Variants in L1CAM observed in about 807,000 individuals in gnomAD.
The protein encoded by L1CAM is L1 cell adhesion molecule, also known as neural cell adhesion molecule L1.
Under a neutral mutation model 93.0 loss-of-function variants are expected in L1CAM, and 8 were observed. The observed-to-expected ratio is 0.09, with a 90% CI of 0.05 to 0.16. L1CAM has a LOEUF of 0.16. Among genes scored for constraint, L1CAM ranks in the 10% least tolerant of loss-of-function variants. The pLI, the probability that L1CAM is intolerant of heterozygous loss-of-function variation, is 1.00. For synonymous variants in L1CAM, 453 were observed against 453.0 expected (o/e 1.00, Z 0.00); for missense variants, 777 against 1,073.4 (o/e 0.72, Z 3.86).
chrX:153,863,603 T>TGGAGCC, intron 26 of L1CAM, 54 bp from the exon 27 acceptor site: 1 of 1,059,886 alleles, frequency 9.4e-7, no homozygotes, highest in Non-Finnish European at 1.3e-6. Context: ...GACCCGGGGC[T>TGGAGCC]CCAGGCCCCT....
Position 153,862,679 on chromosome X carries a change from G to A in L1CAM, c.3758C>T (p.Ala1253Val), listed in dbSNP as rs1257869290. The change falls in exon 29 of 29, where the codon GCC (alanine) becomes GTC (valine). Residue 1253 changes from alanine to valine, a missense_variant. Coordinates refer to ENST00000370060, the MANE Select transcript of L1CAM (RefSeq NM_001278116.2). ...TGGACTCCACTATTCTAGGGCCACG[G>A]CAGGGTTGATGGGGGAAGTGGCCCC... ...SSGATSPINP[A>V]VALE is the part of the protein sequence containing the mutation. 8.3e-7 allele frequency: 1 copy of A among 1,207,933 alleles called. No homozygotes were observed. The highest frequency in any genetic ancestry group is 1.1e-6 in the Non-Finnish European group (1 of 892,731).
chrX:153,884,463 C>T (rs782521359), intron 1 of L1CAM: 1 of 239,740 alleles, frequency 4.2e-6, no homozygotes, highest in African/African-American at 2.9e-5. Context: ...AGATCACTAG[C>T]GATTCTTAAT....
intron 1 of L1CAM, 30 bp downstream of exon 1, chrX:153,886,035 G>A: frequency 5.1e-6 from 2 of 392,188 alleles, no homozygotes; most frequent in South Asian, 1.5e-4. Context: ...GCCGCGGCCC[G>A]GGTCGCACGG....
rs1557091310 is a variant in L1CAM at position 153,867,398 on chromosome X, C to T, written c.2095G>A (p.Glu699Lys). Residue 699 changes from glutamate to lysine, a missense_variant, in exon 17 of 29, where the codon GAG (glutamate) becomes AAG (lysine). Physicochemically the swap from Glu to Lys is moderately conservative, Grantham distance 56. Coordinates refer to ENST00000370060, the MANE Select transcript of L1CAM (RefSeq NM_001278116.2). ...ACAGTCTCAGAGACCGGGCTGGGCTCCCCGGGGCCATATTTGTTTATGGCA... is the reference window on the plus strand; with the variant it reads ...ACAGTCTCAGAGACCGGGCTGGGCTTCCCGGGGCCATATTTGTTTATGGCA... ...VTAINKYGPG[E>K]PSPVSETVVT... 2 of 1,210,453 alleles carry T rather than the reference C, an allele frequency of 1.7e-6. No homozygotes were observed. The highest frequency in any genetic ancestry group is 2.2e-6 in the Non-Finnish European group (2 of 894,906).
intron 19 of L1CAM, among the ~76,000 whole-genome samples, chrX:153,866,135 T>C (rs1026500630): frequency 9.1e-6 from 1 of 110,075 alleles, no homozygotes; most frequent in Non-Finnish European, 1.9e-5. Context: ...ATCAACATGG[T>C]GCAACCGCAT....
Position 153,862,398 on chromosome X carries a change from C to T in L1CAM, c.*265G>A, listed in dbSNP as rs1218759023. 2.9e-6 allele frequency: 1 copy of T among 350,511 alleles called. No homozygotes were observed. Among genetic ancestry groups the T allele is most frequent in the Non-Finnish European group, 5.0e-6 (1 of 201,969 alleles). 28.9% of individuals were successfully genotyped at this position (350,511 alleles called of 1,213,427 possible). A position where few individuals can be genotyped will look rare whatever the true frequency, so the allele number is the denominator to read the frequency against. ...CCCCTACTTCTTCTCCCCCAAACCA[C>T]AGCCTCTCTGCCCAAATGGGCTGGC... is the stretch of plus-strand genomic sequence containing the variant. On this transcript the variant is annotated 3_prime_UTR_variant, in exon 29 of 29. Coordinates refer to ENST00000370060, the MANE Select transcript of L1CAM (RefSeq NM_001278116.2).
chrX:153,865,522 C>T, intron 20 of L1CAM, 22 bp from the exon 21 acceptor site: 2 of 1,190,470 alleles, frequency 1.7e-6, no homozygotes, highest in South Asian at 1.8e-5. Context: ...AACAGGAGAC[C>T]TCGCAGGGGC....
chrX:153,867,128 G>A lies in L1CAM; in HGVS notation c.2138-4C>T. On this transcript the variant is annotated splice_polypyrimidine_tract_variant and splice_region_variant and intron_variant, in intron 17 of 28. Transcript: ENST00000370060. ...TCCACAGGGTTCTTCTCTGGGGCTG[G>A]AAAGGAAAGTATTAACACATCAATG... 1 of 1,202,657 alleles carries A rather than the reference G, an allele frequency of 8.3e-7. No individual in the cohort carries two copies. The highest frequency in any genetic ancestry group is 1.1e-6 in the Non-Finnish European group (1 of 887,230).
In L1CAM at chrX:153,864,150, G is replaced by A. The variant is rs782379694; in HGVS notation, c.3323-133C>T. 74 of 1,057,003 alleles carry A rather than the reference G, an allele frequency of 7.0e-5. 1 individual carries two copies. Among genetic ancestry groups the A allele is most frequent in the Admixed American group, 8.9e-5 (4 of 45,100 alleles). 87.1% of individuals were successfully genotyped at this position (1,057,003 alleles called of 1,213,427 possible). A position where few individuals can be genotyped will look rare whatever the true frequency, so the allele number is the denominator to read the frequency against. ...CAGGGACAGGGAAAAGGGCATCTGCGGAAAGGGTATGAAAGGGGGCTGATT... is the reference window on the plus strand; with the variant it reads ...CAGGGACAGGGAAAAGGGCATCTGCAGAAAGGGTATGAAAGGGGGCTGATT... On this transcript the variant is annotated intron_variant, in intron 25 of 28. Coordinates refer to ENST00000370060, the MANE Select transcript of L1CAM (RefSeq NM_001278116.2).
At position 153,864,015 on chromosome X, in the gene L1CAM, G is replaced by C. The variant is rs147688847; in HGVS notation, c.3325C>G (p.Arg1109Gly). The C allele has an allele frequency of 1.7e-6, 2 of 1,210,710 alleles. No individual in the cohort carries two copies. Among genetic ancestry groups the C allele is most frequent in the Non-Finnish European group, 2.2e-6 (2 of 895,171 alleles). ...QMAVKTNGTG[R>G]VRLPPAGFAT... ...AAGCCAGCAGGAGGGAGCCTCACGC[G>C]GCCTGAGGGTGAGACACCAGCCCCC... The change falls in exon 26 of 29, where the codon CGC (arginine) becomes GGC (glycine). Residue 1109 changes from arginine (R) to glycine (G), a missense_variant and splice_region_variant. By Grantham distance (125) the Arg-to-Gly change is moderately radical (BLOSUM62 -2). Transcript: ENST00000370060.
At position 153,870,451 on chromosome X, in the gene L1CAM, G is replaced by A. The variant is rs782163019; in HGVS notation, c.743C>T (p.Ser248Phe). ...RKPRLLFPTN[S>F]SSHLVALQGQ... ...CTGCAAGGCCACCAGGTGGCTGCTG[G>A]AGTTGGTGGGGAAGAGCAGGCGCGG... The change falls in exon 8 of 29, where the codon TCC (serine) becomes TTC (phenylalanine). Residue 248 changes from serine (S) to phenylalanine (F), a missense_variant. This residue lies in a region of L1CAM where 574 missense variants were observed against 781.0 expected (regional missense o/e 0.73). Coordinates refer to ENST00000370060, the MANE Select transcript of L1CAM (RefSeq NM_001278116.2). The A allele has an allele frequency of 1.6e-6, 2 of 1,212,207 alleles. No individual in the cohort carries two copies. Among genetic ancestry groups the A allele is most frequent in the Admixed American group, 4.3e-5 (2 of 46,140 alleles).
Position 153,865,815 on chromosome X carries a change from G to C in L1CAM, c.2436C>G (p.Pro812=), listed in dbSNP as rs1349470127. The change falls in exon 20 of 29, where the codon CCC becomes CCG. Residue 812 remains proline (P), a synonymous_variant. Transcript: ENST00000370060. The part of the protein sequence containing the change: ...VTIGYSGEDY[P]QAIPELEGIE... The stretch of plus-strand genomic sequence containing the variant: ...TGCCTTCCAGCTCAGGGATTGCCTG[G>C]GGGTCTGGAAACCACCAGTGACTTG... The C allele has an allele frequency of 8.4e-7, 1 of 1,192,158 alleles. No individual in the cohort carries two copies.
At chrX:153,875,617 G>T in intron 2 of L1CAM, 144 bp downstream of exon 2, 1 of 566,911 alleles carries the variant, frequency 1.8e-6, no homozygotes, top group Non-Finnish European at 3.1e-6. Flanking sequence ...CAACGTCCTG[G>T]CTATCTCCTG....
intron 1 of L1CAM, among the ~76,000 whole-genome samples, chrX:153,879,987 C>T (rs781909674): frequency 1.8e-5 from 2 of 111,776 alleles, no homozygotes; most frequent in South Asian, 7.5e-4. Flanking sequence ...CGGTCCCAAA[C>T]CCATCCTCCC....
chrX:153,870,896 G>A lies in L1CAM; in HGVS notation c.588C>T (p.Ala196=), dbSNP rs782052715. Reference sequence around the variant, plus strand: ...AGTGGTTGTCGGAGGTGAGCACATTGGCAAAGTAGAGGTTGCCGTTCTGGC... The same window carrying A: ...AGTGGTTGTCGGAGGTGAGCACATTAGCAAAGTAGAGGTTGCCGTTCTGGC... The part of the protein sequence containing the change: ...TMGQNGNLYF[A]NVLTSDNHSD... Residue 196 remains alanine, a synonymous_variant, in exon 7 of 29, where the codon GCC becomes GCT. Coordinates refer to ENST00000370060, the MANE Select transcript of L1CAM (RefSeq NM_001278116.2). The A allele has an allele frequency of 8.3e-7, 1 of 1,211,242 alleles. No individual in the cohort carries two copies. Among genetic ancestry groups the A allele is most frequent in the East Asian group, 3.0e-5 (1 of 33,836 alleles).
intron 13 of L1CAM, 40 bp from the exon 14 acceptor site, chrX:153,868,498 C>T (rs781840327): frequency 3.9e-5 from 47 of 1,210,520 alleles, no homozygotes; most frequent in Non-Finnish European, 4.6e-5. Context: ...CTCTGTTGTC[C>T]TCCAGAGGCC....
intron 5 of L1CAM, 81 bp from the exon 6 acceptor site, chrX:153,871,260 T>TGGG: frequency 4.3e-6 from 1 of 232,146 alleles, no homozygotes; most frequent in Admixed American, 5.5e-5. Flanking sequence ...GGCAGGGGGG[T>TGGG]GGCGGGCTAC....
chrX:153,862,907 A>G lies in L1CAM; in HGVS notation c.3543-13T>C, dbSNP rs782366295. ...CTCCTCGTTGTCACTGCAGAGGCAC[A>G]GGGCAGGTGCGAGTGAGAGCACTGC... On this transcript the variant is annotated splice_polypyrimidine_tract_variant and intron_variant, in intron 28 of 28. Transcript: ENST00000370060. 8.4e-7 allele frequency: 1 copy of G among 1,185,999 alleles called. No individual in the cohort carries two copies. The highest frequency in any genetic ancestry group is 1.1e-6 in the Non-Finnish European group (1 of 875,687).
Position 153,884,396 on chromosome X carries a change from C to T in L1CAM, c.-109+1669G>A, listed in dbSNP as rs781805630. On this transcript the variant is annotated intron_variant, in intron 1 of 28. Coordinates refer to ENST00000370060, the MANE Select transcript of L1CAM (RefSeq NM_001278116.2). Reference sequence around the variant, plus strand: ...CTTGGGGAGGAGCCTTTTAGGAGCGCGGTGTAGCAAACCAGGGAGGCTGGG... The same window carrying T: ...CTTGGGGAGGAGCCTTTTAGGAGCGTGGTGTAGCAAACCAGGGAGGCTGGG... 4.0e-5 allele frequency: 15 copies of T among 374,101 alleles called. No homozygotes were observed. In the South Asian group the frequency reaches 4.4e-4, roughly 11 times the overall value. 30.8% of individuals were successfully genotyped at this position (374,101 alleles called of 1,213,427 possible). A position where few individuals can be genotyped will look rare whatever the true frequency, so the allele number is the denominator to read the frequency against.
Sources: gnomAD v4.1 joint callset for allele counts (sites outside exome capture counted in the v4.1 genomes callset) on GRCh38, gnomAD v4.1.1 for gene constraint, gnomAD v4.1.1 regional missense constraint, MANE v1.5 for transcripts, NCBI Gene and HGNC (gene_info 2026-07-23, HGNC 2026-07-21) for gene names.